Variants in CDIN1 observed in about 807,000 individuals in gnomAD.
The protein encoded by CDIN1 is CDAN1-interacting nuclease 1.
Under a neutral mutation model 45.3 loss-of-function variants are expected in CDIN1, and 33 were observed. The ratio of observed to expected loss-of-function variants is 0.73; its 90% confidence interval spans 0.55 to 0.97. The LOEUF is 0.97. CDIN1 is among the 50% of genes least tolerant of loss of function. The probability of loss-of-function intolerance (pLI) is 0.00; values close to 1 mark genes in which losing one functional copy is unlikely to be tolerated. For missense variants in CDIN1, 303 were observed against 339.4 expected (o/e 0.89, Z 0.84); for synonymous variants, 118 against 124.4 (o/e 0.95, Z 0.34).
chr15:36,803,064 G>T (rs2055102667), intron 10 of CDIN1, among the ~76,000 whole-genome samples: 1 of 151,796 alleles, frequency 6.6e-6, no homozygotes, highest in Non-Finnish European at 1.5e-5. Flanking sequence ...TCTCACAGTT[G>T]GGGCATTTTT....
At chr15:36,645,090 C>A in intron 2 of CDIN1, 133 bp from the exon 3 acceptor site, 1 of 690,010 alleles carries the variant, frequency 1.4e-6, no homozygotes, top group Non-Finnish European at 2.5e-6. Context: ...CTGCCATCAC[C>A]ACAATTCCCA....
chr15:36,755,987 C>G (rs2053599845), intron 10 of CDIN1: 1 of 448,280 alleles, frequency 2.2e-6, no homozygotes, highest in Non-Finnish European at 4.5e-6. Flanking sequence ...AACCAGTGTG[C>G]CACACTTACC....
chr15:36,617,758 C>T lies in CDIN1; in HGVS notation c.102-26520C>T, dbSNP rs1595750468. On this transcript the variant is annotated intron_variant, in intron 1 of 10. Coordinates refer to ENST00000566621, the MANE Select transcript of CDIN1 (RefSeq NM_001321759.2). ...AAAGCTTTGTTCAAATTGAAAACTG[C>T]CCCAAAGTGATAAGTTGTGAGTTTG... 6.2e-6 allele frequency: 5 copies of T among 808,688 alleles called. No individual in the cohort carries two copies. The East Asian group carries it at 1.2e-4, about 20-fold the overall frequency. 50.1% of individuals were successfully genotyped at this position (808,688 alleles called of 1,614,324 possible).
intron 1 of CDIN1, among the ~76,000 whole-genome samples, chr15:36,594,540 A>G (rs537977906): frequency 6.6e-6 from 1 of 152,246 alleles, no homozygotes; most frequent in African/African-American, 2.4e-5. Flanking sequence ...CTGTATTACA[A>G]TGGCACAATA....
chr15:36,660,336 G>A (rs187795172), intron 5 of CDIN1, among the ~76,000 whole-genome samples: 1 of 152,038 alleles, frequency 6.6e-6, no homozygotes, highest in African/African-American at 2.4e-5. Flanking sequence ...TCTCAGTCTT[G>A]GCTTGTATTT....
chr15:36,744,362 G>A (rs2044345456), intron 10 of CDIN1, among the ~76,000 whole-genome samples: 1 of 152,190 alleles, frequency 6.6e-6, no homozygotes, highest in Admixed American at 6.5e-5. Context: ...CTCTCTAGCT[G>A]CATCCTGGGA....
chr15:36,709,056 GTGT>G (rs1435351985), intron 8 of CDIN1, 164 bp from the exon 9 acceptor site: 1 of 472,384 alleles, frequency 2.1e-6, no homozygotes, highest in Non-Finnish European at 3.7e-6. Context: ...TTACGCTTCA[GTGT>G]TGTTCAGAAA....
intron 1 of CDIN1, among the ~76,000 whole-genome samples, chr15:36,629,791 T>A (rs2039605986): frequency 2.6e-5 from 4 of 152,328 alleles, no homozygotes; most frequent in Middle Eastern, 3.4e-3. Context: ...CGGGTGCTTC[T>A]AGGTCTTCAT....
intron 8 of CDIN1, among the ~76,000 whole-genome samples, chr15:36,701,100 AGATAGATAGATAGATAGGTAGG>A (rs1327382072): frequency 9.6e-5 from 8 of 83,732 alleles, no homozygotes; most frequent in African/African-American, 4.1e-4. Flanking sequence ...GTAGGTAGGT[AGATAGATAGATAGATAGGTAGG>A]TAGATAGATA....
intron 10 of CDIN1, among the ~76,000 whole-genome samples, chr15:36,759,067 A>T (rs1219433920): frequency 6.6e-6 from 1 of 152,104 alleles, no homozygotes; most frequent in Non-Finnish European, 1.5e-5. Flanking sequence ...GTGGTTTTTG[A>T]GTTGCCTGAG....
At chr15:36,784,317 G>A (rs1406022251) in intron 10 of CDIN1, among the ~76,000 whole-genome samples, 1 of 152,186 alleles carries the variant, frequency 6.6e-6, no homozygotes, top group Non-Finnish European at 1.5e-5. Context: ...ATCACTGGTA[G>A]CCGTGTAAGT....
At chr15:36,584,558 A>G (rs7359219) in intron 1 of CDIN1, among the ~76,000 whole-genome samples, 1 of 152,034 alleles carries the variant, frequency 6.6e-6, no homozygotes, top group Non-Finnish European at 1.5e-5. Flanking sequence ...TTTATTTTAC[A>G]GTAATTTGTA....
intron 10 of CDIN1, among the ~76,000 whole-genome samples, chr15:36,785,891 A>G (rs907420328): frequency 6.6e-5 from 10 of 152,202 alleles, no homozygotes; most frequent in African/African-American, 2.2e-4. Context: ...ACTGCTCTTA[A>G]TGGTGGCACA....
At chr15:36,764,871 G>A (rs542340012) in intron 10 of CDIN1, among the ~76,000 whole-genome samples, 2 of 152,164 alleles carry the variant, frequency 1.3e-5, no homozygotes, top group South Asian at 4.1e-4. Context: ...ATTTGCTGCC[G>A]ATAAGAATGT....
At chr15:36,796,272 A>G (rs895997013) in intron 10 of CDIN1, among the ~76,000 whole-genome samples, 30 of 152,320 alleles carry the variant, frequency 2.0e-4, no homozygotes, top group African/African-American at 7.0e-4. Flanking sequence ...TTATTCTCAA[A>G]TCCACCTTGA....
intron 5 of CDIN1, among the ~76,000 whole-genome samples, chr15:36,676,024 G>C (rs1020154241): frequency 6.6e-6 from 1 of 152,108 alleles, no homozygotes; most frequent in South Asian, 2.1e-4. Context: ...TTGAATAGCG[G>C]TGTTTTCCTT....
Position 36,691,809 on chromosome 15 carries a change from G to T in CDIN1, c.426+45G>T, listed in dbSNP as rs1027261054. 55 of 1,369,066 alleles carry T rather than the reference G, an allele frequency of 4.0e-5. No individual in the cohort carries two copies. In the East Asian group the frequency reaches 1.3e-3, roughly 32 times the overall value. 84.8% of individuals were successfully genotyped at this position (1,369,066 alleles called of 1,614,324 possible). ...ATTTTCAGTGGCAATGCTGTTATCT[G>T]CCTAGCAGAGTAAAGGATTTTAAAC... is the stretch of plus-strand genomic sequence containing the variant. On this transcript the variant is annotated intron_variant, in intron 6 of 10. Transcript: ENST00000566621.
intron 10 of CDIN1, among the ~76,000 whole-genome samples, chr15:36,769,645 A>G (rs2087750076): frequency 6.6e-6 from 1 of 152,224 alleles, no homozygotes; most frequent in South Asian, 2.1e-4. Flanking sequence ...CATCACAGGT[A>G]GGTACTGTTA....
rs1440968909 is a variant in CDIN1 at position 36,800,905 on chromosome 15, GTGTGTA to G, written c.717-7417_717-7412del. On this transcript the variant is annotated intron_variant, in intron 10 of 10. Coordinates refer to ENST00000566621, the MANE Select transcript of CDIN1 (RefSeq NM_001321759.2). ...TGTGTGTGTGTGTGTGTGTGTGTGT[GTGTGTA>G]TATATATATATATATATATATATAT... Among the ~76,000 whole-genome samples the G allele has an allele frequency of 8.6e-4, 19 of 22,110 alleles. No homozygotes were observed. The South Asian group carries it at 0.012, about 14-fold the overall frequency. 14.5% of individuals were successfully genotyped at this position (22,110 alleles called of 152,430 possible).
Sources: gnomAD v4.1 joint callset for allele counts (sites outside exome capture counted in the v4.1 genomes callset) on GRCh38, gnomAD v4.1.1 for gene constraint, MANE v1.5 for transcripts, NCBI Gene and HGNC (gene_info 2026-07-23, HGNC 2026-07-21) for gene names.